SHC2: variants seen among roughly 807,000 people sequenced by gnomAD.
SHC2 encodes SHC-transforming protein 2.
A neutral mutation model predicts 60.6 loss-of-function variants in SHC2; 62 were observed. The ratio of observed to expected loss-of-function variants is 1.02; its 90% CI spans 0.83 to 1.26. SHC2 has a LOEUF of 1.26. SHC2 is among the 50% of genes most tolerant of loss of function. SHC2 has a pLI of 0.00. For missense variants in SHC2, 873 were observed against 822.2 expected, an observed-to-expected ratio of 1.06 and a Z score of -0.76; for synonymous variants, 375 against 372.4, an observed-to-expected ratio of 1.01 and a Z score of -0.08.
At chr19:449,718 G>A (rs1391122206) in intron 1 of SHC2, among the ~76,000 whole-genome samples, 1 of 151,350 alleles carries the variant, frequency 6.6e-6, no homozygotes, top group African/African-American at 2.4e-5. Context: ...CCGAGATTGC[G>A]CCATTGCACT....
intron 11 of SHC2, among the ~76,000 whole-genome samples, chr19:421,612 G>A (rs529223848): frequency 5.8e-4 from 89 of 152,246 alleles, no homozygotes; most frequent in Non-Finnish European, 1.1e-3. Context: ...AGGTGCATAA[G>A]TCATGATAAA....
chr19:458,668 GT>G (rs1185870370), intron 1 of SHC2, among the ~76,000 whole-genome samples: 2 of 141,106 alleles, frequency 1.4e-5, no homozygotes, highest in Non-Finnish European at 1.6e-5. Context: ...GCGGAAGTGG[GT>G]TCCGGGGGAG....
rs1008263833 is a variant in SHC2, at chr19:418,753, G to C, written c.*5+170C>G. On this transcript the variant is annotated intron_variant, in intron 12 of 12. Transcript: ENST00000264554. ...GACAGGGCTTCTTTCGGGGCTGACA[G>C]AATGTTCTGGAATTCGACAGAGATG... 2.1e-4 allele frequency among the ~76,000 whole-genome samples: 32 copies of C among 152,258 alleles called. 1 individual carries two copies. The highest frequency in any genetic ancestry group is 6.3e-4 in the African/African-American group (26 of 41,506).
At position 441,761 on chromosome 19, in the gene SHC2, T is replaced by A. The variant is rs907673137; in HGVS notation, c.469-829A>T. Among the ~76,000 whole-genome samples, 3 of 152,268 alleles carry A rather than the reference T, an allele frequency of 2.0e-5. No individual in the cohort carries two copies. Among genetic ancestry groups the A allele is most frequent in the Non-Finnish European group, 2.9e-5 (2 of 68,050 alleles). On this transcript the variant is annotated intron_variant, in intron 1 of 12. Coordinates refer to ENST00000264554, the MANE Select transcript of SHC2 (RefSeq NM_012435.3). The surrounding 1 kb of genome is among the most constrained non-coding windows in gnomAD (Gnocchi z 4.9). ...GGGTGGTGGCACGATATTATGAATG[T>A]ACGAAATGCTACTGAACTGTGAAAA...
At chr19:430,505 G>A (rs755709039) in intron 9 of SHC2, among the ~76,000 whole-genome samples, 179 bp downstream of exon 9, 1 of 152,346 alleles carries the variant, frequency 6.6e-6, no homozygotes, top group Non-Finnish European at 1.5e-5. Flanking sequence ...AATCTAGTGT[G>A]TGCAGGAAAA....
chr19:448,188 G>A (rs562580334), intron 1 of SHC2, among the ~76,000 whole-genome samples: 62 of 152,334 alleles, frequency 4.1e-4, no homozygotes, highest in South Asian at 2.3e-3. Flanking sequence ...AGAGCTTTAC[G>A]GGGGAGAAAA....
chr19:417,588 C>G (rs72988477), intron 12 of SHC2, among the ~76,000 whole-genome samples: 1 of 152,246 alleles, frequency 6.6e-6, no homozygotes, highest in South Asian at 2.1e-4. Context: ...GTCTCAGAAC[C>G]GAAGGGTTGA....
chr19:416,796 G>A lies in SHC2; in HGVS notation c.*532C>T, dbSNP rs1316325840. ...CAGCCTGGCTACCCCGAGATCCCAG[G>A]TGACCTCAAGGCTGCCTGCACTTCA... On this transcript the variant is annotated 3_prime_UTR_variant, in exon 13 of 13. Transcript: ENST00000264554. 2.0e-5 allele frequency: 3 copies of A among 152,246 alleles called. No individual in the cohort carries two copies. The highest frequency in any genetic ancestry group is 7.2e-5 in the African/African-American group (3 of 41,422). 9.4% of individuals were successfully genotyped at this position (152,246 alleles called of 1,614,324 possible). A position where few individuals can be genotyped will look rare whatever the true frequency, so the allele number is the denominator to read the frequency against.
chr19:460,435 C>T (rs1488273793), intron 1 of SHC2, 94 bp downstream of exon 1: 3 of 499,516 alleles, frequency 6.0e-6, no homozygotes, highest in African/African-American at 4.2e-5. Flanking sequence ...GGGGAGGGGA[C>T]ACCTGGCTCG....
In SHC2 at chr19:425,650, C is replaced by T. The variant is rs898999261; in HGVS notation, c.1175-419G>A. On this transcript the variant is annotated intron_variant, in intron 9 of 12. Transcript: ENST00000264554. The surrounding 1 kb of genome is among the most constrained non-coding windows in gnomAD (Gnocchi z 4.1). The stretch of plus-strand genomic sequence containing the variant: ...CCCTGTAATTATGCTATCAACATGA[C>T]GCACGGAGGGTCACTTATTCTGACT... Among the ~76,000 whole-genome samples the T allele has an allele frequency of 5.3e-5, 8 of 152,212 alleles. No homozygotes were observed. The highest frequency in any genetic ancestry group is 2.1e-4 in the South Asian group (1 of 4,824).
In SHC2 at chr19:460,442, C is replaced by A. The variant is rs993131232; in HGVS notation, c.468+87G>T. On this transcript the variant is annotated intron_variant, in intron 1 of 12. Coordinates refer to ENST00000264554, the MANE Select transcript of SHC2 (RefSeq NM_012435.3). ...GGAAGGATGGGGAGGGGACACCTGG[C>A]TCGCGGGGTCCGGGGGTCCCGGAGG... 12 of 525,568 alleles carry A rather than the reference C, an allele frequency of 2.3e-5. No individual in the cohort carries two copies. The South Asian group carries it at 2.5e-4, about 11-fold the overall frequency. The allele number at this position is 525,568 out of a possible 1,614,324, so 32.6% of individuals were successfully genotyped here.
chr19:428,936 G>A (rs184969340), intron 9 of SHC2, among the ~76,000 whole-genome samples: 22 of 151,836 alleles, frequency 1.4e-4, no homozygotes, highest in Non-Finnish European at 1.5e-5. Context: ...CATACCGTGT[G>A]GATGACGCAG....
In SHC2 at chr19:430,973, A is replaced by T. The variant is rs561986609; in HGVS notation, c.1111-226T>A. Among the ~76,000 whole-genome samples the T allele has an allele frequency of 2.0e-5, 3 of 152,340 alleles. No homozygotes were observed. The South Asian group carries it at 6.2e-4, about 32-fold the overall frequency. ...CTTCTCTCCACCTCGGAAGGTGGTC[A>T]GCACATCCTGCCACCTTGCAATGGC... On this transcript the variant is annotated intron_variant, in intron 8 of 12. Transcript: ENST00000264554.
rs1016147246 is a variant in SHC2, at chr19:418,997, C to T, written c.1680G>A (p.Gln560=). ...CGGCGGCCACGATGGGCTGCCCGTT[C>T]TGCAGGTGGTGGTCGATCAGGTGGC... ...SISHLIDHHL[Q]NGQPIVAAES... Residue 560 remains glutamine (Q), a synonymous_variant, in exon 12 of 13, where the codon CAG becomes CAA. Coordinates refer to ENST00000264554, the MANE Select transcript of SHC2 (RefSeq NM_012435.3). The T allele has an allele frequency of 1.9e-6, 3 of 1,586,952 alleles. No individual in the cohort carries two copies. Among genetic ancestry groups the T allele is most frequent in the African/African-American group, 2.7e-5 (2 of 74,426 alleles).
chr19:440,643 A>G lies in SHC2; in HGVS notation c.539+219T>C, dbSNP rs547115038. On this transcript the variant is annotated intron_variant, in intron 2 of 12. Coordinates refer to ENST00000264554, the MANE Select transcript of SHC2 (RefSeq NM_012435.3). The surrounding 1 kb of genome is among the most constrained non-coding windows in gnomAD (Gnocchi z 7.0). ...TGTGAGCGACCGGCGTGTTCTTTCC[A>G]TCTTAGAGGATCGAGGTCTGCAGGG... Among the ~76,000 whole-genome samples the G allele has an allele frequency of 6.6e-6, 1 of 152,148 alleles. No homozygotes were observed. The highest frequency in any genetic ancestry group is 2.4e-5 in the African/African-American group (1 of 41,426).
intron 1 of SHC2, among the ~76,000 whole-genome samples, chr19:455,499 C>A (rs1280048138): frequency 6.6e-6 from 1 of 152,258 alleles, no homozygotes; most frequent in African/African-American, 2.4e-5. Flanking sequence ...GGCGCTCGGA[C>A]GCGGGGCCCA....
At chr19:429,500 C>T (rs1013688625) in intron 9 of SHC2, among the ~76,000 whole-genome samples, 8 of 150,092 alleles carry the variant, frequency 5.3e-5, no homozygotes, top group East Asian at 2.0e-4. Context: ...CTATACCCAA[C>T]GTGCACGGAA....
intron 1 of SHC2, among the ~76,000 whole-genome samples, chr19:457,344 A>C (rs371799573): frequency 2.4e-5 from 3 of 126,360 alleles, no homozygotes; most frequent in Non-Finnish European, 3.3e-5. Flanking sequence ...AACCCACCAT[A>C]TCAGGCCTTT....
rs1367731931 is a variant in SHC2 at position 425,222 on chromosome 19, C to G, written c.1184G>C (p.Gly395Ala). ...DVGSTGTAPP[G>A]DGYVQADARG... The stretch of plus-strand genomic sequence containing the variant: ...GGCGTCCGCCTGCACGTAGCCGTCC[C>G]CCGGTGGAGCTGGGGAGTGTAAAGA... Residue 395 changes from glycine to alanine, a missense_variant, in exon 10 of 13, where the codon GGG becomes GCG. Coordinates refer to ENST00000264554, the MANE Select transcript of SHC2 (RefSeq NM_012435.3). This position sits in a 1 kb window ranked among gnomAD's most constrained non-coding sequence, Gnocchi z 4.1. 3 of 1,336,222 alleles carry G rather than the reference C, an allele frequency of 2.2e-6. No individual in the cohort carries two copies. Among genetic ancestry groups the G allele is most frequent in the Non-Finnish European group, 1.9e-6 (2 of 1,033,896 alleles). The allele number at this position is 1,336,222 out of a possible 1,614,324, so 82.8% of individuals were successfully genotyped here.
Sources: allele counts gnomAD v4.1 joint callset (sites outside exome capture counted in the v4.1 genomes callset), GRCh38; gene constraint gnomAD v4.1.1; non-coding constraint Gnocchi (gnomAD v3.1); transcripts MANE v1.5; gene names NCBI Gene and HGNC (gene_info 2026-07-23, HGNC 2026-07-21).